Variants in GPM6B observed in about 807,000 individuals in gnomAD.
The protein encoded by GPM6B is neuronal membrane glycoprotein M6-b.
A neutral mutation model predicts 27.2 loss-of-function variants in GPM6B; 4 were observed. The observed-to-expected ratio is 0.15, with a 90% CI of 0.07 to 0.34. The LOEUF is 0.34. Among genes scored for constraint, GPM6B ranks in the 10% least tolerant of loss-of-function variants. The pLI is 1.00. For missense variants in GPM6B, 183 were observed against 261.9 expected (o/e 0.70, Z 2.08); for synonymous variants, 124 against 103.1 (o/e 1.20, Z -1.23).
chrX:13,843,229 C>G (rs897913674), intron 1 of GPM6B, among the ~76,000 whole-genome samples: 14 of 111,999 alleles, frequency 1.3e-4, no homozygotes, highest in Non-Finnish European at 2.6e-4. Context: ...GAGTCTTTTA[C>G]TTAATGTTTT....
At chrX:13,788,139 T>C (rs868428348) in intron 2 of GPM6B, among the ~76,000 whole-genome samples, 14 of 112,291 alleles carry the variant, frequency 1.2e-4, no homozygotes, top group Non-Finnish European at 2.3e-4. Context: ...CTTTGGAAGA[T>C]ACATTTTGAA....
At chrX:13,839,279 C>G (rs1352816484) in intron 1 of GPM6B, among the ~76,000 whole-genome samples, 1 of 111,528 alleles carries the variant, frequency 9.0e-6, no homozygotes, top group African/African-American at 3.3e-5. Flanking sequence ...CTGGACTCTG[C>G]CCCACCAACT....
At chrX:13,813,928 T>TA (rs1220492043) in intron 1 of GPM6B, among the ~76,000 whole-genome samples, 1 of 112,385 alleles carries the variant, frequency 8.9e-6, no homozygotes, top group Non-Finnish European at 1.9e-5. Flanking sequence ...AATCCCTAAA[T>TA]ATCTACTAAA....
intron 2 of GPM6B, among the ~76,000 whole-genome samples, chrX:13,797,118 G>A (rs1197235194): frequency 8.9e-6 from 1 of 112,177 alleles, no homozygotes; most frequent in African/African-American, 3.2e-5. Context: ...GACCATCTGG[G>A]CGACAGTGTC....
intron 1 of GPM6B, among the ~76,000 whole-genome samples, chrX:13,841,474 T>A (rs757016247): frequency 8.1e-4 from 91 of 112,394 alleles, no homozygotes; most frequent in Non-Finnish European, 1.5e-3. Context: ...ATCTACAGAA[T>A]GCCTTTACAT....
intron 1 of GPM6B, among the ~76,000 whole-genome samples, chrX:13,834,224 C>T: frequency 8.9e-6 from 1 of 112,353 alleles, no homozygotes; most frequent in Non-Finnish European, 1.9e-5. Context: ...CAAACATGCT[C>T]TTTTTTCACC....
chrX:13,910,317 G>A (rs781178726), intron 1 of GPM6B, among the ~76,000 whole-genome samples: 5 of 112,711 alleles, frequency 4.4e-5, no homozygotes, highest in African/African-American at 6.5e-5. Context: ...ACCTCTGTGA[G>A]TGGGGCCAGG....
chrX:13,884,696 C>G (rs1319312604), intron 1 of GPM6B, among the ~76,000 whole-genome samples: 3 of 112,054 alleles, frequency 2.7e-5, no homozygotes, highest in African/African-American at 6.5e-5. Context: ...TCTCCATTTT[C>G]TTGCCACATT....
intron 1 of GPM6B, among the ~76,000 whole-genome samples, chrX:13,877,824 CAAAAAAAAAA>C (rs761891419): frequency 9.1e-4 from 25 of 27,467 alleles, no homozygotes; most frequent in African/African-American, 4.0e-3. Flanking sequence ...CAGACTCTGC[CAAAAAAAAAA>C]AAAAAAAAAA....
intron 1 of GPM6B, among the ~76,000 whole-genome samples, chrX:13,926,126 T>C (rs773470229): frequency 9.7e-6 from 1 of 103,325 alleles, no homozygotes; most frequent in Admixed American, 1.1e-4. Context: ...TTGTGGAGCA[T>C]AAAACGCTGA....
intron 1 of GPM6B, among the ~76,000 whole-genome samples, chrX:13,823,520 GT>G (rs201574507): frequency 0.014 from 1,304 of 95,949 alleles, 12 homozygotes; most frequent in African/African-American, 0.04. Flanking sequence ...ACTGAACCTG[GT>G]TTTTTTTTTT....
At chrX:13,857,595 C>T (rs953270312) in intron 1 of GPM6B, among the ~76,000 whole-genome samples, 1 of 112,089 alleles carries the variant, frequency 8.9e-6, no homozygotes, top group Non-Finnish European at 1.9e-5. Context: ...GACTAATGCC[C>T]TCCCACAATA....
intron 1 of GPM6B, among the ~76,000 whole-genome samples, chrX:13,915,365 T>C (rs1204323871): frequency 9.0e-6 from 1 of 111,323 alleles, no homozygotes; most frequent in Non-Finnish European, 1.9e-5. Flanking sequence ...TTCTCTCTCC[T>C]GTACTGGCTG....
chrX:13,930,424 C>G (rs921028514), intron 1 of GPM6B, among the ~76,000 whole-genome samples: 2 of 110,909 alleles, frequency 1.8e-5, no homozygotes, highest in African/African-American at 6.6e-5. Flanking sequence ...ACCACCCTGG[C>G]TAACACGGTG....
At chrX:13,861,039 CACACATAT>C (rs1419273278) in intron 1 of GPM6B, among the ~76,000 whole-genome samples, 149 of 41,813 alleles carry the variant, frequency 3.6e-3, no homozygotes, top group African/African-American at 0.022. Flanking sequence ...CACACACACA[CACACATAT>C]ATACATATAT....
intron 1 of GPM6B, among the ~76,000 whole-genome samples, chrX:13,907,242 T>C (rs781071410): frequency 8.9e-6 from 1 of 112,504 alleles, no homozygotes; most frequent in Non-Finnish European, 1.9e-5. Flanking sequence ...CATCTTTTCA[T>C]TTACTCTTTA....
intron 1 of GPM6B, among the ~76,000 whole-genome samples, chrX:13,842,989 C>G (rs1222737432): frequency 1.8e-5 from 2 of 111,385 alleles, no homozygotes; most frequent in African/African-American, 6.5e-5. Context: ...ATATTCCCCC[C>G]TTTCCACTTG....
chrX:13,800,845 ATTTTTC>A (rs915729824), intron 2 of GPM6B, among the ~76,000 whole-genome samples: 1 of 109,760 alleles, frequency 9.1e-6, no homozygotes, highest in African/African-American at 3.3e-5. Context: ...TGGGAATCTG[ATTTTTC>A]TTTTTAAGAG....
chrX:13,872,492 C>T (rs67037223), intron 1 of GPM6B, among the ~76,000 whole-genome samples: 3,566 of 110,540 alleles, frequency 0.032, 110 homozygotes, highest in South Asian at 0.22. Flanking sequence ...TTGAGAGTGA[C>T]AAGAGGCACT....
Sources: gnomAD v4.1 joint callset for allele counts (sites outside exome capture counted in the v4.1 genomes callset) on GRCh38, gnomAD v4.1.1 for gene constraint, MANE v1.5 for transcripts, NCBI Gene and HGNC (gene_info 2026-07-23, HGNC 2026-07-21) for gene names.